Variants in PRDM6 observed in about 807,000 individuals in gnomAD.
PRDM6 encodes PR/SET domain 6.
Under a neutral mutation model 60.8 loss-of-function variants are expected in PRDM6, and 25 were observed. The ratio of observed to expected loss-of-function variants is 0.41; its 90% CI spans 0.30 to 0.57. The LOEUF (loss-of-function observed/expected upper bound fraction) is 0.57, where lower values mean the gene tolerates loss of function less well. Among genes scored for constraint, PRDM6 ranks in the 20% least tolerant of loss-of-function variants. The pLI is 0.27. For synonymous variants in PRDM6, 407 were observed against 357.4 expected (o/e 1.14, Z -1.57); for missense variants, 839 against 821.3 (o/e 1.02, Z -0.26).
chr5:123,090,198 G>C lies in PRDM6; in HGVS notation c.184G>C (p.Ala62Pro). 1 of 1,485,982 alleles carries C rather than the reference G, an allele frequency of 6.7e-7. No individual in the cohort carries two copies. 92.0% of individuals were successfully genotyped at this position (1,485,982 alleles called of 1,614,324 possible). The change falls in exon 2 of 8, where the codon GCT (alanine) becomes CCT (proline). Residue 62 changes from alanine (A) to proline (P), a missense_variant. By Grantham distance (27) the Ala-to-Pro change is conservative. Coordinates refer to ENST00000407847, the MANE Select transcript of PRDM6 (RefSeq NM_001136239.4). ...GCCGCCGCCCCCGCCCCCGGAGCGC[G>C]CTGAGCCTCCGCCGGACAGCCTGCG... ...PPPPPPPPER[A>P]EPPPDSLRPR...
intron 5 of PRDM6, among the ~76,000 whole-genome samples, chr5:123,168,237 C>T (rs764274765): frequency 1.3e-5 from 2 of 151,912 alleles, no homozygotes; most frequent in African/African-American, 2.4e-5. Context: ...TACAAACATA[C>T]GTACGTAGGT....
chr5:123,098,087 G>T (rs1763999347), intron 2 of PRDM6, among the ~76,000 whole-genome samples: 1 of 152,238 alleles, frequency 6.6e-6, no homozygotes. Flanking sequence ...AGCTGTTCCT[G>T]ACACAAACGT....
chr5:123,186,250 T>C (rs1358855014), intron 7 of PRDM6, among the ~76,000 whole-genome samples: 2 of 152,196 alleles, frequency 1.3e-5, no homozygotes, highest in Non-Finnish European at 2.9e-5. Flanking sequence ...ATTTTGAATG[T>C]GTGTTCTGCT....
At chr5:123,158,939 C>T (rs1050651436) in intron 4 of PRDM6, among the ~76,000 whole-genome samples, 2 of 152,032 alleles carry the variant, frequency 1.3e-5, no homozygotes, top group African/African-American at 2.4e-5. Context: ...GTAAAGTGCT[C>T]CTCTTGTATT....
intron 6 of PRDM6, chr5:123,173,408 CTG>C (rs1418454072): frequency 6.0e-6 from 1 of 166,984 alleles, no homozygotes; most frequent in Admixed American, 6.5e-5. Context: ...CATGAGACTC[CTG>C]TCTTATCATG....
Position 123,193,230 on chromosome 5 carries a change from G to A in PRDM6, c.*6029G>A, listed in dbSNP as rs1766463812. On this transcript the variant is annotated 3_prime_UTR_variant, in exon 8 of 8. Coordinates refer to ENST00000407847, the MANE Select transcript of PRDM6 (RefSeq NM_001136239.4). ...GTTTCCTGCCTTGAAAAACATCCTT[G>A]TTGGTGCCTTTCTCCCACTTTGGTA... 1 of 152,170 alleles carries A rather than the reference G, an allele frequency of 6.6e-6. No homozygotes were observed. Among genetic ancestry groups the A allele is most frequent in the South Asian group, 2.1e-4 (1 of 4,816 alleles). 9.4% of individuals were successfully genotyped at this position (152,170 alleles called of 1,614,324 possible). A position where few individuals can be genotyped will look rare whatever the true frequency, so the allele number is the denominator to read the frequency against.
At chr5:123,180,399 C>T (rs554386852) in intron 7 of PRDM6, 76 bp downstream of exon 7, 135 of 1,412,310 alleles carry the variant, frequency 9.6e-5, no homozygotes, top group Non-Finnish European at 1.0e-4. Context: ...CAGCACAGTG[C>T]TGCCTGGCTT....
At chr5:123,184,876 A>G (rs1391020533) in intron 7 of PRDM6, among the ~76,000 whole-genome samples, 1 of 152,138 alleles carries the variant, frequency 6.6e-6, no homozygotes, top group Non-Finnish European at 1.5e-5. Context: ...TCTTTCCTCA[A>G]GGAGAACTCC....
intron 7 of PRDM6, among the ~76,000 whole-genome samples, chr5:123,182,077 A>G (rs531412917): frequency 6.6e-6 from 1 of 152,304 alleles, no homozygotes; most frequent in East Asian, 1.9e-4. Context: ...CCTAAAATCA[A>G]GTCTGTACTA....
intron 3 of PRDM6, among the ~76,000 whole-genome samples, chr5:123,134,769 G>A (rs770547330): frequency 6.6e-6 from 1 of 152,026 alleles, no homozygotes; most frequent in Non-Finnish European, 1.5e-5. Flanking sequence ...TAGCTCCCAG[G>A]AATTAATTCT....
chr5:123,174,938 C>G (rs1457143727), intron 6 of PRDM6, among the ~76,000 whole-genome samples: 1 of 152,188 alleles, frequency 6.6e-6, no homozygotes, highest in Non-Finnish European at 1.5e-5. Flanking sequence ...CTGACTTTTT[C>G]TTTTCCTGAA....
intron 3 of PRDM6, among the ~76,000 whole-genome samples, chr5:123,130,424 C>T (rs961763620): frequency 1.4e-5 from 2 of 147,522 alleles, no homozygotes; most frequent in Non-Finnish European, 3.0e-5. Context: ...GAAAGGTTAT[C>T]TTAAAGAATT....
At chr5:123,131,200 T>G (rs1243018784) in intron 3 of PRDM6, among the ~76,000 whole-genome samples, 1 of 151,934 alleles carries the variant, frequency 6.6e-6, no homozygotes, top group East Asian at 1.9e-4. Flanking sequence ...GGAGGGGAGA[T>G]AAGGAGGGTT....
intron 3 of PRDM6, among the ~76,000 whole-genome samples, chr5:123,116,941 C>G (rs562175474): frequency 1.3e-5 from 2 of 152,294 alleles, no homozygotes; most frequent in East Asian, 3.9e-4. Flanking sequence ...AACTCTGTCT[C>G]CCAGCCAGTA....
intron 5 of PRDM6, among the ~76,000 whole-genome samples, chr5:123,162,701 A>T (rs1352002655): frequency 2.0e-5 from 3 of 152,210 alleles, no homozygotes; most frequent in African/African-American, 7.2e-5. Context: ...CAAGGGTATT[A>T]TAGGAATTTT....
chr5:123,090,475 G>A lies in PRDM6; in HGVS notation c.461G>A (p.Gly154Asp), dbSNP rs772739666. Reference sequence around the variant, plus strand: ...GGGCCCGTCAAGTGCGGTGGTGGTGGCGGCGGCGGCGGGGAGGGTCGCGGC... The same window carrying A: ...GGGCCCGTCAAGTGCGGTGGTGGTGACGGCGGCGGCGGGGAGGGTCGCGGC... ...GPGPVKCGGG[G>D]GGGGEGRGAP... is the part of the protein sequence containing the mutation. The change falls in exon 2 of 8, where the codon GGC becomes GAC. Residue 154 changes from glycine (G) to aspartate (D), a missense_variant. Gly to Asp is a moderately conservative substitution (Grantham distance 94, BLOSUM62 -1). Around this residue, in one of 2 missense-constraint regions of PRDM6, gnomAD observed 730 missense variants for 648.8 expected, o/e 1.13. Coordinates refer to ENST00000407847, the MANE Select transcript of PRDM6 (RefSeq NM_001136239.4). 2.2e-5 allele frequency: 32 copies of A among 1,476,024 alleles called. No homozygotes were observed. In the African/African-American group the frequency reaches 4.6e-4, roughly 21 times the overall value. The allele number at this position is 1,476,024 out of a possible 1,614,324, so 91.4% of individuals were successfully genotyped here.
At chr5:123,169,240 T>C in intron 5 of PRDM6, among the ~76,000 whole-genome samples, 1 of 152,240 alleles carries the variant, frequency 6.6e-6, no homozygotes, top group South Asian at 2.1e-4. Context: ...TTTTTAAGCC[T>C]ATTAGGTTCT....
In PRDM6 at chr5:123,191,818, G is replaced by C. The variant is rs1326786716; in HGVS notation, c.*4617G>C. The C allele has an allele frequency of 6.6e-6, 1 of 152,170 alleles. No individual in the cohort carries two copies. Among genetic ancestry groups the C allele is most frequent in the Non-Finnish European group, 1.5e-5 (1 of 68,030 alleles). The allele number at this position is 152,170 out of a possible 1,614,324, so 9.4% of individuals were successfully genotyped here. On this transcript the variant is annotated 3_prime_UTR_variant, in exon 8 of 8. Coordinates refer to ENST00000407847, the MANE Select transcript of PRDM6 (RefSeq NM_001136239.4). ...TTGCATTCTACAAACCCAGAGATCAGCTGTCAGGTACAACTGGCCAGACAG... is the reference window on the plus strand; with the variant it reads ...TTGCATTCTACAAACCCAGAGATCACCTGTCAGGTACAACTGGCCAGACAG...
At chr5:123,092,467 A>G (rs1347448418) in intron 2 of PRDM6, among the ~76,000 whole-genome samples, 1 of 152,210 alleles carries the variant, frequency 6.6e-6, no homozygotes, top group Non-Finnish European at 1.5e-5. Context: ...GAAAATTAAT[A>G]CGTTTTCACC....
Sources: gnomAD v4.1 joint callset for allele counts (sites outside exome capture counted in the v4.1 genomes callset) on GRCh38, gnomAD v4.1.1 for gene constraint, gnomAD v4.1.1 regional missense constraint, MANE v1.5 for transcripts, NCBI Gene and HGNC (gene_info 2026-07-23, HGNC 2026-07-21) for gene names.